Variants in CAMSAP1 observed in about 807,000 individuals in gnomAD.
CAMSAP1 encodes the protein calmodulin regulated spectrin associated protein 1.
Under a neutral mutation model 143.5 loss-of-function variants are expected in CAMSAP1, and 58 were observed. That is an observed-to-expected ratio of 0.40 (90% CI 0.33 to 0.50). The LOEUF is 0.50. Among genes scored for constraint, CAMSAP1 ranks in the 20% least tolerant of loss-of-function variants. The pLI, the probability that CAMSAP1 is intolerant of heterozygous loss-of-function variation, is 0.45. For missense variants in CAMSAP1, 1,969 were observed against 2,115.7 expected (o/e 0.93, Z 1.36); for synonymous variants, 945 against 859.3 (o/e 1.10, Z -1.74).
At chr9:135,856,819 G>C (rs1390201538) in intron 5 of CAMSAP1, among the ~76,000 whole-genome samples, 2 of 152,230 alleles carry the variant, frequency 1.3e-5, no homozygotes, top group Non-Finnish European at 2.9e-5. Flanking sequence ...TATTGCCTCT[G>C]AGCCGGACAG....
At chr9:135,862,683 T>C (rs1488744239) in intron 4 of CAMSAP1, 75 bp from the exon 5 acceptor site, 5 of 1,438,854 alleles carry the variant, frequency 3.5e-6, no homozygotes, top group Non-Finnish European at 3.8e-6. Flanking sequence ...GGCACACTGT[T>C]AGATCGAGAA....
At chr9:135,902,078 G>A (rs932527831) in intron 1 of CAMSAP1, among the ~76,000 whole-genome samples, 1 of 152,130 alleles carries the variant, frequency 6.6e-6, no homozygotes, top group Non-Finnish European at 1.5e-5. Context: ...CACATAACTA[G>A]GCAGCAGGTG....
Position 135,822,728 on chromosome 9 carries a change from C to A in CAMSAP1, c.1933G>T (p.Asp645Tyr). 3.1e-6 allele frequency: 5 copies of A among 1,612,246 alleles called. No individual in the cohort carries two copies. The highest frequency in any genetic ancestry group is 4.2e-6 in the Non-Finnish European group (5 of 1,179,002). ...LVRRKMTGSR[D>Y]LNRTFTPIPC... Reference sequence around the variant, plus strand: ...ATCGGGGTAAAAGTCCTATTCAAGTCGCGACTGCCAGTCATTTTCCTTCGT... The same window carrying A: ...ATCGGGGTAAAAGTCCTATTCAAGTAGCGACTGCCAGTCATTTTCCTTCGT... Residue 645 changes from aspartate to tyrosine, a missense_variant, in exon 11 of 17, where the codon GAC (aspartate) becomes TAC (tyrosine). By Grantham distance (160) the Asp-to-Tyr change is radical (BLOSUM62 -3). Coordinates refer to ENST00000389532, the MANE Select transcript of CAMSAP1 (RefSeq NM_015447.4). The surrounding 1 kb of genome is among the most constrained non-coding windows in gnomAD (Gnocchi z 6.1).
At chr9:135,872,658 G>C (rs1420367567) in intron 3 of CAMSAP1, among the ~76,000 whole-genome samples, 2 of 152,126 alleles carry the variant, frequency 1.3e-5, no homozygotes, top group African/African-American at 4.8e-5. Context: ...AAAGTTAAAG[G>C]AATGAAACAT....
At chr9:135,883,290 G>A (rs1031801679) in intron 1 of CAMSAP1, among the ~76,000 whole-genome samples, 5 of 152,216 alleles carry the variant, frequency 3.3e-5, no homozygotes, top group African/African-American at 9.6e-5. Context: ...ACTGTCTTCT[G>A]TACTTACAAA....
At position 135,816,009 on chromosome 9, in the gene CAMSAP1, C is replaced by G. The variant is rs1256997726; in HGVS notation, c.4272-4G>C. 3.1e-6 allele frequency: 5 copies of G among 1,612,764 alleles called. No individual in the cohort carries two copies. In the South Asian group the frequency reaches 5.5e-5, roughly 18 times the overall value. ...CAGGGCTTCCATCGATTCCACTCTG[C>G]AGGCAGAAACAGACAAGAGACAGGC... On this transcript the variant is annotated splice_polypyrimidine_tract_variant and splice_region_variant and intron_variant, in intron 14 of 16. Coordinates refer to ENST00000389532, the MANE Select transcript of CAMSAP1 (RefSeq NM_015447.4).
intron 7 of CAMSAP1, among the ~76,000 whole-genome samples, chr9:135,846,682 C>CAAAAAAAAAAAAAAAAAAAAATAAAAA (rs1836565824): frequency 1.9e-5 from 1 of 53,692 alleles, no homozygotes; most frequent in Non-Finnish European, 4.3e-5. Flanking sequence ...ACAAATTTAC[C>CAAAAAAAAAAAAAAAAAAAAATAAAAA]AAAAAAAAAA....
In CAMSAP1 at chr9:135,819,182, C is replaced by A. The variant is rs201545129; in HGVS notation, c.3823-36G>T. On this transcript the variant is annotated intron_variant, in intron 11 of 16. Transcript: ENST00000389532. ...GAGGCCACACAGAGCATGACAGGAA[C>A]CCCCTCAGACGCCGGACACGGCCGC... 17 of 1,576,702 alleles carry A rather than the reference C, an allele frequency of 1.1e-5. No homozygotes were observed. The East Asian group carries it at 3.9e-4, about 36-fold the overall frequency.
rs1269072495 is a variant in CAMSAP1, at chr9:135,816,058, AC to A, written c.4272-54del. ...GCAGGTGAAGCGCTGGCTTCCTCTC[AC>A]CACTGCTGGCAAGGGGCTGGCCCGC... is the stretch of plus-strand genomic sequence containing the variant. On this transcript the variant is annotated intron_variant, in intron 14 of 16. Coordinates refer to ENST00000389532, the MANE Select transcript of CAMSAP1 (RefSeq NM_015447.4). 3 of 1,546,900 alleles carry A rather than the reference AC, an allele frequency of 1.9e-6. No homozygotes were observed. In the African/African-American group the frequency reaches 4.1e-5, roughly 21 times the overall value.
intron 7 of CAMSAP1, among the ~76,000 whole-genome samples, chr9:135,833,871 T>C (rs1835931111): frequency 6.6e-6 from 1 of 152,164 alleles, no homozygotes; most frequent in Non-Finnish European, 1.5e-5. Flanking sequence ...CAAAACGAGA[T>C]GGCAGCCTAC....
chr9:135,853,893 C>A (rs569903339), intron 5 of CAMSAP1, among the ~76,000 whole-genome samples: 2 of 152,376 alleles, frequency 1.3e-5, no homozygotes, highest in South Asian at 4.1e-4. Context: ...GAGCCACGAT[C>A]AGAAGGGGGC....
At chr9:135,881,917 G>T in intron 2 of CAMSAP1, 123 bp from the exon 3 acceptor site, 1 of 1,182,976 alleles carries the variant, frequency 8.5e-7, no homozygotes, top group South Asian at 1.5e-5. Context: ...CTTTCCGTCT[G>T]AAGAGATACT....
chr9:135,821,911 T>A lies in CAMSAP1; in HGVS notation c.2750A>T (p.His917Leu). ...CTCGGCCTTGCCCTTCTTCACCACA[T>A]GCAGGAATGCAGCCTTGCCGAGCTT... is the stretch of plus-strand genomic sequence containing the variant. ...RLKLGKAAFLHVVKKGKAEAA... is the reference protein window; with the variant it reads ...RLKLGKAAFLLVVKKGKAEAA... Residue 917 changes from histidine (H) to leucine (L), a missense_variant, in exon 11 of 17, where the codon CAT (histidine) becomes CTT (leucine). Physicochemically the swap from His to Leu is moderately conservative, Grantham distance 99. Around this residue, in one of 4 missense-constraint regions of CAMSAP1, gnomAD observed 1,390 missense variants for 1,420.8 expected, o/e 0.98. Coordinates refer to ENST00000389532, the MANE Select transcript of CAMSAP1 (RefSeq NM_015447.4). The surrounding 1 kb of genome is among the most constrained non-coding windows in gnomAD (Gnocchi z 4.6). 1 of 1,613,714 alleles carries A rather than the reference T, an allele frequency of 6.2e-7. No individual in the cohort carries two copies. Among genetic ancestry groups the A allele is most frequent in the Non-Finnish European group, 8.5e-7 (1 of 1,179,844 alleles).
intron 5 of CAMSAP1, among the ~76,000 whole-genome samples, chr9:135,854,555 T>A (rs1353618433): frequency 6.6e-6 from 1 of 152,026 alleles, no homozygotes; most frequent in Non-Finnish European, 1.5e-5. Context: ...CTCAGCCTCC[T>A]GAGCTCAAGT....
intron 5 of CAMSAP1, among the ~76,000 whole-genome samples, chr9:135,861,729 G>C (rs1464046962): frequency 6.6e-6 from 1 of 152,228 alleles, no homozygotes; most frequent in African/African-American, 2.4e-5. Flanking sequence ...CCTGAAGTCT[G>C]ACACAAATGT....
intron 1 of CAMSAP1, among the ~76,000 whole-genome samples, chr9:135,886,061 TAAA>T (rs35789822): frequency 1.4e-5 from 2 of 145,958 alleles, no homozygotes; most frequent in Admixed American, 1.4e-4. Context: ...AATACCTACT[TAAA>T]AAAAAAAAAA....
At chr9:135,839,433 C>T (rs367591944) in intron 7 of CAMSAP1, among the ~76,000 whole-genome samples, 9 of 152,184 alleles carry the variant, frequency 5.9e-5, no homozygotes, top group African/African-American at 2.2e-4. Flanking sequence ...TGAGTATGCA[C>T]TGGGAAAGGG....
chr9:135,835,398 C>T (rs1292321524), intron 7 of CAMSAP1, among the ~76,000 whole-genome samples: 6 of 152,138 alleles, frequency 3.9e-5, no homozygotes, highest in African/African-American at 1.2e-4. Flanking sequence ...AGACAGAGTT[C>T]CAAAGTGAGA....
At chr9:135,827,328 C>T in intron 8 of CAMSAP1, 79 bp downstream of exon 8, 1 of 1,313,122 alleles carries the variant, frequency 7.6e-7, no homozygotes. Flanking sequence ...AAAAAGGTAA[C>T]TTCAATTAAT....
Sources: gnomAD v4.1 joint callset for allele counts (sites outside exome capture counted in the v4.1 genomes callset) on GRCh38, gnomAD v4.1.1 for gene constraint, gnomAD v4.1.1 regional missense constraint, Gnocchi (gnomAD v3.1) non-coding constraint, MANE v1.5 for transcripts, NCBI Gene and HGNC (gene_info 2026-07-23, HGNC 2026-07-21) for gene names.